Variants in TFCP2 observed in about 807,000 individuals in gnomAD.
The protein encoded by TFCP2 is transcription factor CP2.
TFCP2 carries 33 observed loss-of-function variants against 73.4 expected under a neutral mutation model. That is an observed-to-expected ratio of 0.45 (90% CI 0.34 to 0.60). The LOEUF (loss-of-function observed/expected upper bound fraction) is 0.60. Ranked by LOEUF, TFCP2 falls within the 20% of genes least tolerant of loss-of-function variation. TFCP2 has a pLI of 0.01. For synonymous variants in TFCP2, 193 were observed against 211.6 expected, an observed-to-expected ratio of 0.91 and a Z score of 0.76; for missense variants, 352 against 604.0, an observed-to-expected ratio of 0.58 and a Z score of 4.37.
rs1940879754 is a variant in TFCP2, at chr12:51,129,042, T to C, written c.123-10270A>G. Among the ~76,000 whole-genome samples the C allele has an allele frequency of 1.3e-5, 2 of 152,058 alleles. 1 individual carries two copies. The highest frequency in any genetic ancestry group is 4.1e-4 in the South Asian group (2 of 4,828). On this transcript the variant is annotated intron_variant, in intron 1 of 14. Transcript: ENST00000257915. ...ATGGCACAGGACAGTGAGAAACAACTAGGCTTTTAAAAAAGTCTATTTCAA... is the reference window on the plus strand; with the variant it reads ...ATGGCACAGGACAGTGAGAAACAACCAGGCTTTTAAAAAAGTCTATTTCAA...
At position 51,096,020 on chromosome 12, in the gene TFCP2, T is replaced by C. The variant is rs1391744586; in HGVS notation, c.1440A>G (p.Glu480=). The C allele has an allele frequency of 6.2e-7, 1 of 1,613,314 alleles. No individual in the cohort carries two copies. The part of the protein sequence containing the change: ...ISDEMIQNFQ[E]EACFILDTMK... ...TTGTGTCCAGAATAAAACATGCTTC[T>C]TCCTGAAAGTTCTGTATCATCTGAA... Residue 480 remains glutamate, a synonymous_variant, in exon 14 of 15, where the codon GAA becomes GAG. Transcript: ENST00000257915.
Position 51,101,990 on chromosome 12 carries a change from T to A in TFCP2, c.1096A>T (p.Ile366Phe). The part of the protein sequence containing the change: ...DLLKLTRDDV[I>F]QICGPADGIR... ...CCATCTGCAGGGCCACAGATTTGGA[T>A]CACATCATCTCTAGTTAATTTCAAT... is the stretch of plus-strand genomic sequence containing the variant. The change falls in exon 11 of 15, where the codon ATC (isoleucine) becomes TTC (phenylalanine). Residue 366 changes from isoleucine (I) to phenylalanine (F), a missense_variant. Ile to Phe is a conservative substitution (Grantham distance 21, BLOSUM62 0). Coordinates refer to ENST00000257915, the MANE Select transcript of TFCP2 (RefSeq NM_005653.5). The A allele has an allele frequency of 1.9e-6, 3 of 1,613,262 alleles. No individual in the cohort carries two copies. The highest frequency in any genetic ancestry group is 2.5e-6 in the Non-Finnish European group (3 of 1,179,344).
rs778640597 is a variant in TFCP2, at chr12:51,106,587, A to G, written c.855T>C (p.Tyr285=). Residue 285 remains tyrosine, a synonymous_variant, in exon 8 of 15, where the codon TAT becomes TAC. Transcript: ENST00000257915. The stretch of plus-strand genomic sequence containing the variant: ...AGCCAGGTGATGGGGAGTTATTGAC[A>G]TACGTGATCTCGGGCCATGGAGAAC... The part of the protein sequence containing the change: ...TECSPWPEIT[Y]VNNSPSPGFN... 1 of 1,613,742 alleles carries G rather than the reference A, an allele frequency of 6.2e-7. No individual in the cohort carries two copies. The highest frequency in any genetic ancestry group is 8.5e-7 in the Non-Finnish European group (1 of 1,179,812).
intron 1 of TFCP2, among the ~76,000 whole-genome samples, chr12:51,150,193 G>A (rs60203224): frequency 0.061 from 9,278 of 152,130 alleles, 528 homozygotes; most frequent in East Asian, 0.18. Context: ...CAAGGCAGGC[G>A]GATCACCTGA....
chr12:51,156,380 T>C (rs1941538616), intron 1 of TFCP2, among the ~76,000 whole-genome samples: 1 of 151,930 alleles, frequency 6.6e-6, no homozygotes, highest in Non-Finnish European at 1.5e-5. Context: ...AACCAGCTCT[T>C]GAGTAAACTA....
At chr12:51,102,757 CTCA>C (rs2136963302) in intron 10 of TFCP2, among the ~76,000 whole-genome samples, 1 of 152,086 alleles carries the variant, frequency 6.6e-6, no homozygotes, top group Non-Finnish European at 1.5e-5. Context: ...CTGGATTCAC[CTCA>C]TGTGTCACAC....
intron 1 of TFCP2, chr12:51,125,518 T>C: frequency 2.8e-6 from 1 of 356,298 alleles, no homozygotes; most frequent in South Asian, 2.2e-5. Flanking sequence ...TAAGAAAAAG[T>C]AACTAATTGA....
At chr12:51,126,894 T>C (rs954532014) in intron 1 of TFCP2, among the ~76,000 whole-genome samples, 2 of 152,184 alleles carry the variant, frequency 1.3e-5, no homozygotes, top group East Asian at 3.8e-4. Context: ...AGATTGATTT[T>C]CTGGGATTTG....
At chr12:51,095,453 C>CA (rs942897675) in intron 14 of TFCP2, among the ~76,000 whole-genome samples, 175 bp from the exon 15 acceptor site, 1 of 150,264 alleles carries the variant, frequency 6.7e-6, no homozygotes, top group Non-Finnish European at 1.5e-5. Flanking sequence ...AATTCTGTCT[C>CA]AAAAAAAATG....
At chr12:51,114,608 A>C (rs1243831189) in intron 4 of TFCP2, among the ~76,000 whole-genome samples, 1 of 151,850 alleles carries the variant, frequency 6.6e-6, no homozygotes. Context: ...CCATCTCAAA[A>C]ATAAATAAAT....
intron 1 of TFCP2, among the ~76,000 whole-genome samples, chr12:51,158,116 C>G (rs968802207): frequency 6.6e-6 from 1 of 152,154 alleles, no homozygotes; most frequent in Non-Finnish European, 1.5e-5. Flanking sequence ...ATCCTCTCAC[C>G]TCAGCCTCCT....
intron 1 of TFCP2, among the ~76,000 whole-genome samples, chr12:51,135,253 C>A (rs576835886): frequency 2.0e-5 from 3 of 151,550 alleles, no homozygotes; most frequent in African/African-American, 7.3e-5. Context: ...GTAGTGAAAC[C>A]CCATCTCTAC....
chr12:51,136,781 TA>T (rs1218285605), intron 1 of TFCP2, among the ~76,000 whole-genome samples: 1 of 152,016 alleles, frequency 6.6e-6, no homozygotes. Context: ...ACTAAAAGTA[TA>T]AAAAATAATT....
intron 13 of TFCP2, among the ~76,000 whole-genome samples, chr12:51,096,436 A>G (rs1011007337): frequency 1.3e-5 from 2 of 152,142 alleles, no homozygotes; most frequent in African/African-American, 4.8e-5. Flanking sequence ...CCCTTCTCCC[A>G]GGGATAAACT....
Position 51,159,346 on chromosome 12 carries a change from A to ATT in TFCP2, c.122+12953_122+12954dup, listed in dbSNP as rs201637237. Among the ~76,000 whole-genome samples the ATT allele has an allele frequency of 3.1e-3, 471 of 149,594 alleles. 2 individuals are homozygous for ATT. The highest frequency in any genetic ancestry group is 0.011 in the African/African-American group (447 of 40,704). ...TTCTTTTATTTTTAATTTATTTTTT[A>ATT]TTTTTTTTTGAGACCGAGTCTCGCT... On this transcript the variant is annotated intron_variant, in intron 1 of 14. Transcript: ENST00000257915.
chr12:51,121,934 T>A (rs1566210520), intron 1 of TFCP2, among the ~76,000 whole-genome samples: 1 of 152,192 alleles, frequency 6.6e-6, no homozygotes, highest in Non-Finnish European at 1.5e-5. Flanking sequence ...GTATACACAT[T>A]TTCCCCAATA....
At chr12:51,162,687 T>G (rs1275799621) in intron 1 of TFCP2, among the ~76,000 whole-genome samples, 1 of 152,180 alleles carries the variant, frequency 6.6e-6, no homozygotes, top group Non-Finnish European at 1.5e-5. Context: ...CTGATTTTTT[T>G]TGTGGTTGGG....
At chr12:51,120,545 G>T (rs1174875064) in intron 1 of TFCP2, among the ~76,000 whole-genome samples, 7 of 151,978 alleles carry the variant, frequency 4.6e-5, no homozygotes, top group African/African-American at 1.7e-4. Context: ...GGTTGTAACT[G>T]TAACAGCTTA....
At chr12:51,125,838 C>T (rs1337714364) in intron 1 of TFCP2, among the ~76,000 whole-genome samples, 2 of 152,130 alleles carry the variant, frequency 1.3e-5, no homozygotes, top group African/African-American at 2.4e-5. Context: ...TGGCTCATGC[C>T]TGTAATCCCA....
Sources: gnomAD v4.1 joint callset for allele counts (sites outside exome capture counted in the v4.1 genomes callset) on GRCh38, gnomAD v4.1.1 for gene constraint, MANE v1.5 for transcripts, NCBI Gene and HGNC (gene_info 2026-07-23, HGNC 2026-07-21) for gene names.